Variants in SDF4 observed in about 807,000 individuals in gnomAD.
SDF4 encodes the protein 45 kDa calcium-binding protein.
A neutral mutation model predicts 34.2 loss-of-function variants in SDF4; 22 were observed. The observed-to-expected ratio is 0.64, with a 90% CI of 0.46 to 0.92. The LOEUF (loss-of-function observed/expected upper bound fraction) is 0.92, where lower values mean the gene tolerates loss of function less well. Ranked by LOEUF, SDF4 falls within the 40% of genes least tolerant of loss-of-function variation. The probability of loss-of-function intolerance (pLI) is 0.00; values close to 1 mark genes in which losing one functional copy is unlikely to be tolerated. For synonymous variants in SDF4, 236 were observed against 203.1 expected (o/e 1.16, Z -1.38); for missense variants, 447 against 499.9 (o/e 0.89, Z 1.01).
chr1:1,217,788 G>C lies in SDF4; in HGVS notation c.892-100C>G. 6.3e-7 allele frequency: 1 copy of C among 1,590,636 alleles called. No individual in the cohort carries two copies. The highest frequency in any genetic ancestry group is 8.5e-7 in the Non-Finnish European group (1 of 1,170,078). On this transcript the variant is annotated intron_variant, in intron 6 of 6. Coordinates refer to ENST00000360001, the MANE Select transcript of SDF4 (RefSeq NM_016176.6). The surrounding 1 kb of genome is among the most constrained non-coding windows in gnomAD (Gnocchi z 8.5). ...ATTTAAGGTGCCTATTGGCTGCAGC[G>C]GGAGTGTGGGCACGTTCTGGAAGGT...
chr1:1,222,223 C>T (rs1380142311), intron 4 of SDF4, among the ~76,000 whole-genome samples: 1 of 152,244 alleles, frequency 6.6e-6, no homozygotes, highest in Non-Finnish European at 1.5e-5. Context: ...GAAGGGCACA[C>T]GGAGCCCCAG....
intron 2 of SDF4, among the ~76,000 whole-genome samples, chr1:1,228,252 C>T (rs1232941171): frequency 1.3e-5 from 2 of 152,246 alleles, no homozygotes; most frequent in Non-Finnish European, 1.5e-5. Context: ...GAGCCCCCGG[C>T]GGACCCAGGG....
At chr1:1,227,483 G>A (rs1256115396) in intron 2 of SDF4, among the ~76,000 whole-genome samples, 3 of 152,052 alleles carry the variant, frequency 2.0e-5, no homozygotes, top group South Asian at 4.1e-4. Context: ...AGGTGAGCTC[G>A]TGGCCAGGCC....
chr1:1,219,803 GC>G, intron 4 of SDF4: 1 of 985,852 alleles, frequency 1.0e-6, no homozygotes, highest in Non-Finnish European at 1.2e-6. Flanking sequence ...CCCACACTCA[GC>G]CCCCTGCACG....
At chr1:1,219,860 CA>C in intron 4 of SDF4, 1 of 985,888 alleles carries the variant, frequency 1.0e-6, no homozygotes, top group Non-Finnish European at 1.2e-6. Context: ...ACAAGCCCGG[CA>C]GCCTCTGCGT....
In SDF4 at chr1:1,218,994, G is replaced by C; in HGVS notation, c.557-67C>G. The C allele has an allele frequency of 6.2e-7, 1 of 1,612,106 alleles. No individual in the cohort carries two copies. ...CCAGCACGCAAATCCAGAAAGTTCC[G>C]AGAGGTGCTGCCTGAACTCGAGGGA... On this transcript the variant is annotated intron_variant, in intron 4 of 6. Coordinates refer to ENST00000360001, the MANE Select transcript of SDF4 (RefSeq NM_016176.6). This position sits in a 1 kb window ranked among gnomAD's most constrained non-coding sequence, Gnocchi z 7.9.
In SDF4 at chr1:1,219,466, C is replaced by T. The variant is rs764165875; in HGVS notation, c.557-539G>A. ...CGGAATCACCCTGAAGGCTGACGTG[C>T]GCACGGCGCCGCGGGGCGAAGGACT... On this transcript the variant is annotated intron_variant, in intron 4 of 6. Coordinates refer to ENST00000360001, the MANE Select transcript of SDF4 (RefSeq NM_016176.6). The T allele has an allele frequency of 5.8e-5, 58 of 1,001,660 alleles. 1 individual carries two copies. The highest frequency in any genetic ancestry group is 5.8e-5 in the Non-Finnish European group (49 of 838,658). The allele number at this position is 1,001,660 out of a possible 1,614,324, so 62.0% of individuals were successfully genotyped here.
chr1:1,220,983 T>C (rs1649917608), intron 4 of SDF4: 7 of 355,628 alleles, frequency 2.0e-5, no homozygotes, highest in Non-Finnish European at 2.2e-5. Flanking sequence ...GGCCGGGCAC[T>C]GGGGCTTGTG....
Position 1,218,897 on chromosome 1 carries a change from C to A in SDF4, c.587G>T (p.Arg196Leu). The change falls in exon 5 of 7, where the codon CGC becomes CTC. Residue 196 changes from arginine (R) to leucine (L), a missense_variant. Arg to Leu is a moderately radical substitution (Grantham distance 102). Coordinates refer to ENST00000360001, the MANE Select transcript of SDF4 (RefSeq NM_016176.6). This position sits in a 1 kb window ranked among gnomAD's most constrained non-coding sequence, Gnocchi z 7.9. Reference protein sequence around the residue: ...TQEVLENLKDRWYQADSPPAD... With the variant: ...TQEVLENLKDLWYQADSPPAD... ...AGGGGGGCTGTCCGCCTGGTACCAGCGGTCCTTCAGGTTCTCCAGGACTTC... is the reference window on the plus strand; with the variant it reads ...AGGGGGGCTGTCCGCCTGGTACCAGAGGTCCTTCAGGTTCTCCAGGACTTC... 6.3e-7 allele frequency: 1 copy of A among 1,599,480 alleles called. No homozygotes were observed. Among genetic ancestry groups the A allele is most frequent in the Non-Finnish European group, 8.5e-7 (1 of 1,170,922 alleles).
chr1:1,220,324 T>G, intron 4 of SDF4: 7 of 1,080,722 alleles, frequency 6.5e-6, no homozygotes, highest in South Asian at 5.2e-5. Flanking sequence ...GGGAAGGGAG[T>G]GATGCCCGCC....
At chr1:1,225,964 G>A (rs1269714098) in intron 2 of SDF4, among the ~76,000 whole-genome samples, 3 of 152,384 alleles carry the variant, frequency 2.0e-5, no homozygotes, top group Admixed American at 6.5e-5. Flanking sequence ...ACACACGCAA[G>A]TGCACAGGCC....
chr1:1,221,659 TAAAA>T (rs1557516533), intron 4 of SDF4, among the ~76,000 whole-genome samples: 1 of 151,728 alleles, frequency 6.6e-6, no homozygotes, highest in African/African-American at 2.4e-5. Flanking sequence ...AATTAAAAAT[TAAAA>T]AAAGAAAGAG....
Position 1,222,480 on chromosome 1 carries a change from G to A in SDF4, c.556+764C>T, listed in dbSNP as rs535776199. Among the ~76,000 whole-genome samples the A allele has an allele frequency of 2.0e-4, 30 of 152,232 alleles. 1 individual carries two copies. The highest frequency in any genetic ancestry group is 6.7e-4 in the African/African-American group (28 of 41,540). On this transcript the variant is annotated intron_variant, in intron 4 of 6. Coordinates refer to ENST00000360001, the MANE Select transcript of SDF4 (RefSeq NM_016176.6). ...GGCCACACCCCAGACCCAAGGAAGAGCCTCTCCCTGGGACCTGACCGCTCT... is the reference window on the plus strand; with the variant it reads ...GGCCACACCCCAGACCCAAGGAAGAACCTCTCCCTGGGACCTGACCGCTCT...
chr1:1,223,756 C>A, intron 3 of SDF4, 76 bp downstream of exon 3: 1 of 1,282,128 alleles, frequency 7.8e-7, no homozygotes, highest in Admixed American at 2.1e-5. Context: ...CCTGTCTGCC[C>A]TCCAGGCACC....
intron 3 of SDF4, 72 bp from the exon 4 acceptor site, chr1:1,223,429 C>T: frequency 9.0e-7 from 1 of 1,106,422 alleles, no homozygotes; most frequent in South Asian, 1.5e-5. Context: ...GAGATGGGGT[C>T]TTGCTCTGCT....
intron 2 of SDF4, among the ~76,000 whole-genome samples, 184 bp from the exon 3 acceptor site, chr1:1,224,152 G>C (rs1047395029): frequency 1.3e-5 from 2 of 152,190 alleles, no homozygotes; most frequent in African/African-American, 4.8e-5. Flanking sequence ...GGCCACGCCA[G>C]AGACACTGGG....
rs906226498 is a variant in SDF4, at chr1:1,223,286, C to T, written c.514G>A (p.Asp172Asn). 46 of 1,613,996 alleles carry T rather than the reference C, an allele frequency of 2.9e-5. No individual in the cohort carries two copies. The highest frequency in any genetic ancestry group is 8.3e-5 in the Admixed American group (5 of 60,014). The change falls in exon 4 of 7, where the codon GAC (aspartate) becomes AAC (asparagine). Residue 172 changes from aspartate (D) to asparagine (N), a missense_variant. By Grantham distance (23) the Asp-to-Asn change is conservative (BLOSUM62 1). Coordinates refer to ENST00000360001, the MANE Select transcript of SDF4 (RefSeq NM_016176.6). The part of the protein sequence containing the change: ...SKGHSEKEVA[D>N]AIRLNEELKV... ...AGTTCCTCGTTGAGCCTGATGGCGTCGGCAACCTCCTTCTCGCTATGGCCT... is the reference window on the plus strand; with the variant it reads ...AGTTCCTCGTTGAGCCTGATGGCGTTGGCAACCTCCTTCTCGCTATGGCCT...
At position 1,223,263 on chromosome 1, in the gene SDF4, T is replaced by G; in HGVS notation, c.537A>C (p.Glu179Asp). The G allele has an allele frequency of 6.2e-7, 1 of 1,613,856 alleles. No homozygotes were observed. The highest frequency in any genetic ancestry group is 8.5e-7 in the Non-Finnish European group (1 of 1,179,810). Residue 179 changes from glutamate to aspartate, a missense_variant, in exon 4 of 7, where the codon GAA becomes GAC. Physicochemically the swap from Glu to Asp is conservative, Grantham distance 45. Coordinates refer to ENST00000360001, the MANE Select transcript of SDF4 (RefSeq NM_016176.6). ...EVADAIRLNEELKVDEETQEV... is the reference protein window; with the variant it reads ...EVADAIRLNEDLKVDEETQEV... Reference sequence around the variant, plus strand: ...ACTCACTTTCCTCATCCACTTTGAGTTCCTCGTTGAGCCTGATGGCGTCGG... The same window carrying G: ...ACTCACTTTCCTCATCCACTTTGAGGTCCTCGTTGAGCCTGATGGCGTCGG...
chr1:1,227,792 T>C (rs112819941), intron 2 of SDF4, among the ~76,000 whole-genome samples: 17,441 of 152,082 alleles, frequency 0.11, 1,143 homozygotes, highest in East Asian at 0.17. Flanking sequence ...CAACAGGCTC[T>C]CGAGACTCAG....
Sources: allele counts gnomAD v4.1 joint callset (sites outside exome capture counted in the v4.1 genomes callset), GRCh38; gene constraint gnomAD v4.1.1; non-coding constraint Gnocchi (gnomAD v3.1); transcripts MANE v1.5; gene names NCBI Gene and HGNC (gene_info 2026-07-23, HGNC 2026-07-21).